Variants in CCDC38 observed in about 807,000 individuals in gnomAD.
CCDC38 encodes the protein coiled-coil domain containing 38.
A neutral mutation model predicts 72.8 loss-of-function variants in CCDC38; 69 were observed. That is an observed-to-expected ratio of 0.95 (90% CI 0.78 to 1.16). The LOEUF is 1.16. CCDC38 is among the 50% of genes most tolerant of loss of function. The probability of loss-of-function intolerance (pLI) is 0.00; values close to 1 mark genes in which losing one functional copy is unlikely to be tolerated. For synonymous variants in CCDC38, 201 were observed against 213.2 expected, an observed-to-expected ratio of 0.94 and a Z score of 0.50; for missense variants, 626 against 638.9, an observed-to-expected ratio of 0.98 and a Z score of 0.22.
intron 5 of CCDC38, among the ~76,000 whole-genome samples, chr12:95,905,733 T>C (rs1271994720): frequency 6.6e-6 from 1 of 152,230 alleles, no homozygotes; most frequent in African/African-American, 2.4e-5. Context: ...ATTCATTTTG[T>C]AATTATTTTC....
At chr12:95,889,945 T>C (rs1425419613) in intron 9 of CCDC38, among the ~76,000 whole-genome samples, 5 of 152,092 alleles carry the variant, frequency 3.3e-5, no homozygotes, top group African/African-American at 9.7e-5. Context: ...CTCACTCCGT[T>C]ACCCGGGCTG....
At chr12:95,907,645 G>C (rs79872340) in intron 4 of CCDC38, among the ~76,000 whole-genome samples, 1 of 113,512 alleles carries the variant, frequency 8.8e-6, no homozygotes, top group African/African-American at 3.2e-5. Flanking sequence ...CTTCCCAGAC[G>C]GGGTGGCTGC....
chr12:95,914,340 A>G (rs1417212152), intron 4 of CCDC38, among the ~76,000 whole-genome samples: 2 of 152,224 alleles, frequency 1.3e-5, no homozygotes, highest in African/African-American at 4.8e-5. Context: ...AAAACAAAAC[A>G]AAACAGAAAT....
intron 4 of CCDC38, among the ~76,000 whole-genome samples, chr12:95,908,887 A>G (rs1263153831): frequency 6.6e-6 from 1 of 152,038 alleles, no homozygotes; most frequent in Non-Finnish European, 1.5e-5. Context: ...AATAGAAAAT[A>G]CCAAATGTTT....
intron 4 of CCDC38, among the ~76,000 whole-genome samples, chr12:95,916,207 T>C (rs1476583168): frequency 6.6e-6 from 1 of 152,218 alleles, no homozygotes; most frequent in African/African-American, 2.4e-5. Context: ...CAATTATATA[T>C]GCACTTGGAA....
At chr12:95,922,101 T>A (rs1195133857) in intron 2 of CCDC38, among the ~76,000 whole-genome samples, 1 of 152,176 alleles carries the variant, frequency 6.6e-6, no homozygotes, top group African/African-American at 2.4e-5. Context: ...AGATTCAGTG[T>A]AGAAAGTGGG....
chr12:95,888,967 A>C (rs1028660956), intron 9 of CCDC38: 1 of 181,560 alleles, frequency 5.5e-6, no homozygotes, highest in African/African-American at 2.4e-5. Flanking sequence ...GAAGGGGAAA[A>C]AAAATGGATG....
chr12:95,906,867 G>A (rs1041036112), intron 4 of CCDC38, among the ~76,000 whole-genome samples: 8 of 148,074 alleles, frequency 5.4e-5, no homozygotes, highest in African/African-American at 2.0e-4. Flanking sequence ...GGTGTTTCTC[G>A]CAGAGGGGGA....
chr12:95,915,512 G>T (rs11108331), intron 4 of CCDC38, among the ~76,000 whole-genome samples: 10,605 of 152,204 alleles, frequency 0.07, 514 homozygotes, highest in Non-Finnish European at 0.097. Context: ...GATGGGCACC[G>T]AGCAGTTTGC....
chr12:95,912,881 G>A lies in CCDC38; in HGVS notation c.304+4248C>T, dbSNP rs189922977. The stretch of plus-strand genomic sequence containing the variant: ...TTGAGACCAACCTGGACAACATGGC[G>A]AAGGCTTGTCTCTACAAAAATATAC... On this transcript the variant is annotated intron_variant, in intron 4 of 15. Transcript: ENST00000344280. Among the ~76,000 whole-genome samples the A allele has an allele frequency of 8.2e-4, 124 of 152,130 alleles. 1 individual carries two copies. In the East Asian group the frequency reaches 8.9e-3, roughly 11 times the overall value.
At chr12:95,883,882 G>T (rs766612452) in intron 10 of CCDC38, among the ~76,000 whole-genome samples, 20 of 152,164 alleles carry the variant, frequency 1.3e-4, no homozygotes, top group Non-Finnish European at 2.4e-4. Context: ...CATTTGGCAG[G>T]ATTCAACACT....
intron 8 of CCDC38, among the ~76,000 whole-genome samples, chr12:95,892,877 T>TTA (rs752287822): frequency 8.5e-5 from 13 of 152,176 alleles, no homozygotes; most frequent in African/African-American, 1.4e-4. Context: ...ACTTAAATTC[T>TTA]TATATATATA....
Position 95,917,275 on chromosome 12 carries a change from T to G in CCDC38, c.158A>C (p.Asn53Thr). Residue 53 changes from asparagine to threonine, a missense_variant, in exon 4 of 16, where the codon AAC becomes ACC. Asn to Thr is a moderately conservative substitution (Grantham distance 65, BLOSUM62 0). Transcript: ENST00000344280. ...AKETEKFMNR[N>T]MKVYQKTTFS... ...AGTAGTTTTCTGGTAGACTTTCATG[T>G]TACGGTTCATAAATTTTTCCTGCCC... 6.3e-7 allele frequency: 1 copy of G among 1,596,308 alleles called. No homozygotes were observed. Among genetic ancestry groups the G allele is most frequent in the South Asian group, 1.2e-5 (1 of 86,134 alleles).
chr12:95,895,161 C>T lies in CCDC38; in HGVS notation c.615-15G>A. ...TTGCTATTTCACTACTCAAAAGAAA[C>T]AAAGATATGATTAGGTATATCAGTG... On this transcript the variant is annotated splice_polypyrimidine_tract_variant and intron_variant, in intron 7 of 15. Coordinates refer to ENST00000344280, the MANE Select transcript of CCDC38 (RefSeq NM_182496.3). 2 of 1,590,626 alleles carry T rather than the reference C, an allele frequency of 1.3e-6. No individual in the cohort carries two copies. The highest frequency in any genetic ancestry group is 1.7e-6 in the Non-Finnish European group (2 of 1,171,158).
chr12:95,918,547 C>T (rs568539045), intron 3 of CCDC38, among the ~76,000 whole-genome samples: 2 of 152,314 alleles, frequency 1.3e-5, no homozygotes, highest in East Asian at 1.9e-4. Context: ...GACATCCCAT[C>T]TATGTAAGCT....
intron 2 of CCDC38, among the ~76,000 whole-genome samples, chr12:95,927,055 G>A (rs975874084): frequency 7.9e-5 from 12 of 152,146 alleles, no homozygotes; most frequent in African/African-American, 2.7e-4. Flanking sequence ...ATGTCTATTA[G>A]GTCTGCTTGG....
chr12:95,887,209 A>C (rs1006477105), intron 10 of CCDC38, among the ~76,000 whole-genome samples: 3 of 151,874 alleles, frequency 2.0e-5, no homozygotes, highest in Non-Finnish European at 2.9e-5. Flanking sequence ...CAAACAACAA[A>C]AAAAAACCAC....
chr12:95,874,859 A>G (rs1273709727), intron 13 of CCDC38, among the ~76,000 whole-genome samples: 1 of 152,222 alleles, frequency 6.6e-6, no homozygotes, highest in Non-Finnish European at 1.5e-5. Flanking sequence ...TCTAGATGTC[A>G]TTGAAAGTCT....
At chr12:95,913,290 G>A (rs1486491966) in intron 4 of CCDC38, among the ~76,000 whole-genome samples, 1 of 151,998 alleles carries the variant, frequency 6.6e-6, no homozygotes, top group Non-Finnish European at 1.5e-5. Flanking sequence ...TTATGTTATT[G>A]TTCCCAAATA....
Sources: gnomAD v4.1 joint callset for allele counts (sites outside exome capture counted in the v4.1 genomes callset) on GRCh38, gnomAD v4.1.1 for gene constraint, MANE v1.5 for transcripts, NCBI Gene and HGNC (gene_info 2026-07-23, HGNC 2026-07-21) for gene names.